The following CCT6B variants were observed in gnomAD, a reference collection of about 807,000 sequenced individuals.
The protein encoded by CCT6B is probable T-complex protein 1 subunit zeta-2.
Under a neutral mutation model 61.5 loss-of-function variants are expected in CCT6B, and 49 were observed. That is an observed-to-expected ratio of 0.80 (90% CI 0.63 to 1.01). The LOEUF (loss-of-function observed/expected upper bound fraction) is 1.01. Ranked by LOEUF, CCT6B falls within the 50% of genes least tolerant of loss-of-function variation. The pLI, the probability that CCT6B is intolerant of heterozygous loss-of-function variation, is 0.00. For missense variants in CCT6B, 666 were observed against 634.7 expected (o/e 1.05, Z -0.53); for synonymous variants, 228 against 214.5 (o/e 1.06, Z -0.55).
intron 4 of CCT6B, among the ~76,000 whole-genome samples, chr17:34,953,318 A>T (rs916390648): frequency 4.3e-5 from 6 of 141,130 alleles, no homozygotes; most frequent in African/African-American, 1.3e-4. Context: ...CTTTATATAA[A>T]ATATATATAT....
intron 5 of CCT6B, among the ~76,000 whole-genome samples, chr17:34,945,915 C>T (rs1208792744): frequency 6.6e-6 from 1 of 152,188 alleles, no homozygotes; most frequent in African/African-American, 2.4e-5. Flanking sequence ...GTTCTTTTAT[C>T]TTAAAGTCAT....
At chr17:34,944,665 G>A (rs2090203548) in intron 5 of CCT6B, among the ~76,000 whole-genome samples, 1 of 152,214 alleles carries the variant, frequency 6.6e-6, no homozygotes, top group Non-Finnish European at 1.5e-5. Flanking sequence ...GGCGGCTCAC[G>A]CCTGTAATCC....
chr17:34,951,315 G>T (rs1421127129), intron 5 of CCT6B, among the ~76,000 whole-genome samples: 1 of 152,094 alleles, frequency 6.6e-6, no homozygotes, highest in Non-Finnish European at 1.5e-5. Context: ...ATTTACAGGT[G>T]GTATATGATG....
At chr17:34,928,605 C>T (rs73283026) in intron 13 of CCT6B, among the ~76,000 whole-genome samples, 2 of 152,124 alleles carry the variant, frequency 1.3e-5, no homozygotes, top group South Asian at 2.1e-4. Flanking sequence ...ATTTAAACTC[C>T]TTTGCTGATA....
chr17:34,955,823 A>G (rs1482785729), intron 3 of CCT6B, among the ~76,000 whole-genome samples: 1 of 152,126 alleles, frequency 6.6e-6, no homozygotes, highest in Non-Finnish European at 1.5e-5. Flanking sequence ...TATTTTTCCT[A>G]TTTCACAGAT....
chr17:34,955,564 G>A (rs1196044600), intron 3 of CCT6B, among the ~76,000 whole-genome samples: 1 of 152,150 alleles, frequency 6.6e-6, no homozygotes, highest in African/African-American at 2.4e-5. Flanking sequence ...TTTGTAGTAT[G>A]TTTGCAACTT....
chr17:34,939,246 G>A lies in CCT6B; in HGVS notation c.1150C>T (p.Leu384Phe). 1.2e-6 allele frequency: 2 copies of A among 1,613,766 alleles called. No individual in the cohort carries two copies. The highest frequency in any genetic ancestry group is 1.7e-6 in the Non-Finnish European group (2 of 1,179,740). The change falls in exon 10 of 14, where the codon CTC becomes TTC. Residue 384 changes from leucine (L) to phenylalanine (F), a missense_variant. By Grantham distance (22) the Leu-to-Phe change is conservative. Transcript: ENST00000314144. ...LLVKGPNKHT[L>F]TQVKDAIRDG... ...CTTATGGCATCCTTGACTTGTGTGA[G>A]AGTATGCTTATTTGGTCCTTTAACC...
Position 34,939,625 on chromosome 17 carries a change from A to G in CCT6B, c.1057T>C (p.Tyr353His). ...CLGHAGLVYE[Y>H]TLGEEKFTFI... ...TTCATAGAAATACTCACTAATGTAT[A>G]CTCATACACAAGACCAGCATGTCCC... The change falls in exon 9 of 14, where the codon TAT (tyrosine) becomes CAT (histidine). Residue 353 changes from tyrosine to histidine, a missense_variant. Coordinates refer to ENST00000314144, the MANE Select transcript of CCT6B (RefSeq NM_006584.4). 1 of 1,592,566 alleles carries G rather than the reference A, an allele frequency of 6.3e-7. No homozygotes were observed. The highest frequency in any genetic ancestry group is 8.6e-7 in the Non-Finnish European group (1 of 1,160,516).
At chr17:34,939,384 C>A in intron 9 of CCT6B, 54 bp from the exon 10 acceptor site, 1 of 1,426,704 alleles carries the variant, frequency 7.0e-7, no homozygotes, top group Non-Finnish European at 9.7e-7. Context: ...ATTATAAAAT[C>A]AACAATTTAT....
chr17:34,940,126 CCTAA>C (rs1467856919), intron 8 of CCT6B, among the ~76,000 whole-genome samples: 4 of 152,086 alleles, frequency 2.6e-5, no homozygotes, highest in Non-Finnish European at 4.4e-5. Flanking sequence ...ATTTATTCCT[CCTAA>C]CTAACTGAAA....
chr17:34,939,437 A>G (rs151240877), intron 9 of CCT6B, 107 bp from the exon 10 acceptor site: 17 of 989,872 alleles, frequency 1.7e-5, no homozygotes, highest in Non-Finnish European at 2.5e-5. Context: ...ATCAAGCATA[A>G]CTAAGGGAGT....
chr17:34,942,539 A>C lies in CCT6B; in HGVS notation c.830T>G (p.Leu277Arg), dbSNP rs755906709. ...TGACTGAGCACAGACTTTGTCCTTC[A>C]GGTCTATTATTTTTTGTACTCTATC... Reference protein sequence around the residue: ...IEDRVQKIIDLKDKVCAQSNK... With the variant: ...IEDRVQKIIDRKDKVCAQSNK... The change falls in exon 7 of 14, where the codon CTG becomes CGG. Residue 277 changes from leucine to arginine, a missense_variant. Physicochemically the swap from Leu to Arg is moderately radical, Grantham distance 102. Coordinates refer to ENST00000314144, the MANE Select transcript of CCT6B (RefSeq NM_006584.4). The C allele has an allele frequency of 6.2e-7, 1 of 1,606,632 alleles. No individual in the cohort carries two copies. The highest frequency in any genetic ancestry group is 8.5e-7 in the Non-Finnish European group (1 of 1,177,866).
intron 10 of CCT6B, 94 bp from the exon 11 acceptor site, chr17:34,932,594 T>C: frequency 8.7e-7 from 1 of 1,144,524 alleles, no homozygotes; most frequent in Non-Finnish European, 1.2e-6. Flanking sequence ...AAGTATGTTC[T>C]ATTATCTACA....
chr17:34,957,764 T>C (rs979713917), intron 3 of CCT6B, among the ~76,000 whole-genome samples: 6 of 152,180 alleles, frequency 3.9e-5, no homozygotes, highest in African/African-American at 1.4e-4. Context: ...AGAGAAAACA[T>C]TCAGATATGG....
intron 3 of CCT6B, among the ~76,000 whole-genome samples, chr17:34,955,034 T>A (rs1442042049): frequency 6.6e-6 from 1 of 152,220 alleles, no homozygotes; most frequent in Non-Finnish European, 1.5e-5. Context: ...GCTGACATGA[T>A]GCATTCAGTA....
chr17:34,959,647 A>C lies in CCT6B; in HGVS notation c.141T>G (p.Leu47=). 6.2e-7 allele frequency: 1 copy of C among 1,607,348 alleles called. No homozygotes were observed. Among genetic ancestry groups the C allele is most frequent in the Non-Finnish European group, 8.5e-7 (1 of 1,173,902 alleles). Residue 47 remains leucine (L), a synonymous_variant, in exon 2 of 14, where the codon CTT becomes CTG. Transcript: ENST00000314144. ...GTTTGATGTCACCTGCACCAGAAAC[A>C]AGCCTGTTCAGAGAAGAATGATATT... ...NLGPKGTMKM[L]VSGAGDIKLT...
intron 11 of CCT6B, among the ~76,000 whole-genome samples, chr17:34,932,038 C>T (rs2090041433): frequency 6.6e-6 from 1 of 152,086 alleles, no homozygotes; most frequent in Non-Finnish European, 1.5e-5. Flanking sequence ...ACCACAAAAT[C>T]TAACTAAATT....
chr17:34,948,349 C>T (rs1394131284), intron 5 of CCT6B, among the ~76,000 whole-genome samples: 1 of 151,928 alleles, frequency 6.6e-6, no homozygotes, highest in South Asian at 2.1e-4. Flanking sequence ...CTATATGACA[C>T]AAAAAATCAT....
chr17:34,934,616 A>C (rs985038112), intron 10 of CCT6B, among the ~76,000 whole-genome samples: 17 of 152,242 alleles, frequency 1.1e-4, no homozygotes, highest in African/African-American at 3.1e-4. Context: ...CTCAAAAAAA[A>C]CAAAACCTTT....
Sources: allele counts gnomAD v4.1 joint callset (sites outside exome capture counted in the v4.1 genomes callset), GRCh38; gene constraint gnomAD v4.1.1; transcripts MANE v1.5; gene names NCBI Gene and HGNC (gene_info 2026-07-23, HGNC 2026-07-21).